The following ZNF652 variants were observed in gnomAD, a reference collection of about 807,000 sequenced individuals.
ZNF652 encodes the protein zinc finger protein 652.
A neutral mutation model predicts 45.2 loss-of-function variants in ZNF652; 16 were observed. The observed-to-expected ratio is 0.35, with a 90% CI of 0.24 to 0.54. The LOEUF (loss-of-function observed/expected upper bound fraction) is 0.54, where lower values mean the gene tolerates loss of function less well. Ranked by LOEUF, ZNF652 falls within the 20% of genes least tolerant of loss-of-function variation. The pLI, the probability that ZNF652 is intolerant of heterozygous loss-of-function variation, is 0.91. For missense variants in ZNF652, 614 were observed against 765.6 expected (o/e 0.80, Z 2.34); for synonymous variants, 250 against 260.6 (o/e 0.96, Z 0.39).
chr17:49,310,719 T>C (rs950946508), intron 5 of ZNF652, among the ~76,000 whole-genome samples: 3 of 152,092 alleles, frequency 2.0e-5, no homozygotes, highest in African/African-American at 7.2e-5. Flanking sequence ...CTGGGCAACA[T>C]GGTGAAACCC....
At chr17:49,304,593 T>C (rs908425940) in intron 5 of ZNF652, among the ~76,000 whole-genome samples, 1 of 152,174 alleles carries the variant, frequency 6.6e-6, no homozygotes, top group Non-Finnish European at 1.5e-5. Flanking sequence ...GAAGATATAG[T>C]AACAGTTAAG....
At chr17:49,299,233 A>T (rs1300689050) in intron 5 of ZNF652, among the ~76,000 whole-genome samples, 3 of 152,184 alleles carry the variant, frequency 2.0e-5, no homozygotes, top group Admixed American at 6.5e-5. Context: ...TAAAAGAAGA[A>T]GATAAAGATG....
chr17:49,342,885 ATT>A (rs752751225), intron 1 of ZNF652, among the ~76,000 whole-genome samples: 10 of 142,044 alleles, frequency 7.0e-5, no homozygotes, highest in African/African-American at 7.7e-5. Context: ...TCCACATAGA[ATT>A]TTTTTTTTTT....
chr17:49,338,322 C>T (rs1436539701), intron 1 of ZNF652, among the ~76,000 whole-genome samples: 2 of 152,074 alleles, frequency 1.3e-5, no homozygotes, highest in African/African-American at 4.8e-5. Context: ...GAATGAGAAC[C>T]AACACCTTCT....
At chr17:49,355,507 G>A (rs1472194276) in intron 1 of ZNF652, among the ~76,000 whole-genome samples, 2 of 152,110 alleles carry the variant, frequency 1.3e-5, no homozygotes. Flanking sequence ...AGTCTGGGAG[G>A]TGAAAGCTGC....
intron 1 of ZNF652, among the ~76,000 whole-genome samples, chr17:49,357,768 G>C (rs2070352780): frequency 1.3e-5 from 2 of 152,252 alleles, no homozygotes; most frequent in Admixed American, 1.3e-4. Flanking sequence ...GCTCTGAATA[G>C]GCTTAAAACA....
Position 49,321,262 on chromosome 17 carries a change from T to TTTTTG in ZNF652, c.-258-3284_-258-3280dup, listed in dbSNP as rs201516820. ...ATAGACATATGTATTTTCTTGGTGT[T>TTTTTG]TTTTGTTTTGTTTTGTTTTGAGACA... On this transcript the variant is annotated intron_variant, in intron 1 of 5. Transcript: ENST00000430262. Among the ~76,000 whole-genome samples the TTTTTG allele has an allele frequency of 8.8e-4, 133 of 151,940 alleles. 2 individuals are homozygous for TTTTTG. In the East Asian group the frequency reaches 0.022, roughly 25 times the overall value.
In ZNF652 at chr17:49,298,567, G is replaced by A; in HGVS notation, c.1667C>T (p.Pro556Leu). The A allele has an allele frequency of 2.5e-6, 4 of 1,611,618 alleles. 1 individual carries two copies. The South Asian group carries it at 3.3e-5, about 13-fold the overall frequency. The change falls in exon 6 of 6, where the codon CCT becomes CTT. Residue 556 changes from proline (P) to leucine (L), a missense_variant. Coordinates refer to ENST00000430262, the MANE Select transcript of ZNF652 (RefSeq NM_001145365.3). ...GATGGGAAGGTGGTGTGGGTGGTGA[G>A]GGTGTGGGTGGATGTGCAGGTGTGA... ...PFSHLHIHPH[P>L]HHPHHLPIPP...
intron 1 of ZNF652, among the ~76,000 whole-genome samples, chr17:49,339,880 C>A (rs550707025): frequency 7.2e-5 from 11 of 152,172 alleles, no homozygotes; most frequent in Non-Finnish European, 1.6e-4. Context: ...ACAACAGGCA[C>A]ATGCCACCAC....
intron 1 of ZNF652, among the ~76,000 whole-genome samples, chr17:49,348,484 G>GAAAAGAAAAGAAAAGAA (rs1567699025): frequency 4.9e-5 from 1 of 20,458 alleles, no homozygotes; most frequent in African/African-American, 1.4e-4. Flanking sequence ...CCTCAAAAAA[G>GAAAAGAAAAGAAAAGAA]AAAAGAAAAG....
intron 5 of ZNF652, among the ~76,000 whole-genome samples, chr17:49,304,055 AT>A (rs58790188): frequency 0.013 from 1,563 of 117,374 alleles, 24 homozygotes; most frequent in African/African-American, 0.046. Context: ...TGCCTGGCTA[AT>A]TTTTTTTTTT....
intron 1 of ZNF652, among the ~76,000 whole-genome samples, chr17:49,327,754 TATATATATA>T (rs2069975010): frequency 1.8e-4 from 1 of 5,554 alleles, no homozygotes; most frequent in African/African-American, 1.0e-3. Flanking sequence ...TATATATATA[TATATATATA>T]TATATATATA....
intron 1 of ZNF652, among the ~76,000 whole-genome samples, chr17:49,325,730 C>T (rs28505616): frequency 0.013 from 2,001 of 151,838 alleles, 39 homozygotes; most frequent in African/African-American, 0.046. Flanking sequence ...GGTTGAGGCA[C>T]GACAATTGCT....
At chr17:49,308,894 A>G (rs2069669003) in intron 5 of ZNF652, among the ~76,000 whole-genome samples, 1 of 152,124 alleles carries the variant, frequency 6.6e-6, no homozygotes, top group South Asian at 2.1e-4. Context: ...CTATTTGGTC[A>G]AAGACGAATA....
At chr17:49,350,994 TATATATATATATATATATATACAC>T (rs2070268771) in intron 1 of ZNF652, among the ~76,000 whole-genome samples, 1 of 21,960 alleles carries the variant, frequency 4.6e-5, no homozygotes, top group Non-Finnish European at 1.0e-4. Flanking sequence ...TATATATATA[TATATATATATATATATATATACAC>T]ACACACACAC....
At chr17:49,348,470 C>T (rs4794045) in intron 1 of ZNF652, among the ~76,000 whole-genome samples, 43,125 of 131,374 alleles carry the variant, frequency 0.33, 6,626 homozygotes, top group East Asian at 0.43. Flanking sequence ...AGAGCAAGAC[C>T]TTGCCTCAAA....
intron 1 of ZNF652, among the ~76,000 whole-genome samples, chr17:49,358,491 T>G (rs1039597505): frequency 6.6e-6 from 1 of 152,206 alleles, no homozygotes. Context: ...TTGTTGTCTC[T>G]CAGCTGACTT....
At chr17:49,299,844 TATC>T (rs1470413594) in intron 5 of ZNF652, among the ~76,000 whole-genome samples, 1 of 150,332 alleles carries the variant, frequency 6.7e-6, no homozygotes, top group Non-Finnish European at 1.5e-5. Context: ...CACGCCTGGC[TATC>T]TTTTTTTTTT....
At chr17:49,322,012 G>A (rs1331959173) in intron 1 of ZNF652, among the ~76,000 whole-genome samples, 3 of 152,198 alleles carry the variant, frequency 2.0e-5, no homozygotes, top group African/African-American at 2.4e-5. Context: ...GAACAGGCAA[G>A]TGCTTAATGT....
Sources: gnomAD v4.1 joint callset for allele counts (sites outside exome capture counted in the v4.1 genomes callset) on GRCh38, gnomAD v4.1.1 for gene constraint, MANE v1.5 for transcripts, NCBI Gene and HGNC (gene_info 2026-07-23, HGNC 2026-07-21) for gene names.